Variants in MDFIC observed in about 807,000 individuals in gnomAD.
The protein encoded by MDFIC is myoD family inhibitor domain-containing protein.
MDFIC carries 17 observed loss-of-function variants against 23.2 expected under a neutral mutation model. That is an observed-to-expected ratio of 0.73 (90% confidence interval 0.50 to 1.10). The LOEUF (loss-of-function observed/expected upper bound fraction) is 1.10. MDFIC is among the 50% of genes least tolerant of loss of function. MDFIC has a pLI of 0.00. For missense variants in MDFIC, 356 were observed against 316.6 expected, an observed-to-expected ratio of 1.12 and a Z score of -0.95; for synonymous variants, 120 against 115.2, an observed-to-expected ratio of 1.04 and a Z score of -0.27.
chr7:114,963,692 C>G (rs531815865), intron 3 of MDFIC, among the ~76,000 whole-genome samples: 15 of 152,294 alleles, frequency 9.8e-5, no homozygotes, highest in African/African-American at 3.4e-4. Flanking sequence ...CTACCAGCCT[C>G]AGCTGGTACT....
chr7:114,930,879 C>T (rs143371515), intron 2 of MDFIC, among the ~76,000 whole-genome samples: 1 of 152,262 alleles, frequency 6.6e-6, no homozygotes, highest in Non-Finnish European at 1.5e-5. Flanking sequence ...CTTCTAAAAG[C>T]ATTCAGTTTT....
rs118125824 is a variant in MDFIC, at chr7:115,009,088, A to G, written c.494-6600A>G. On this transcript the variant is annotated intron_variant, in intron 4 of 4. Coordinates refer to ENST00000393486, the MANE Select transcript of MDFIC (RefSeq NM_001166345.3). ...CATGCTTTAATCCATGGTCTTTGGC[A>G]TATTATTGGCCTGTTAAATGCTAAT... Among the ~76,000 whole-genome samples, 689 of 152,338 alleles carry G rather than the reference A, an allele frequency of 4.5e-3. 1 individual carries two copies. The highest frequency in any genetic ancestry group is 7.8e-3 in the Non-Finnish European group (533 of 68,024).
At chr7:114,923,481 T>G in intron 2 of MDFIC, 1 of 1,537,906 alleles carries the variant, frequency 6.5e-7, no homozygotes, top group Non-Finnish European at 8.7e-7. Flanking sequence ...GATCCAGGAC[T>G]GCCGCAGCTC....
rs777433581 is a variant in MDFIC at position 114,923,096 on chromosome 7, G to C, written c.63G>C (p.Ala21=). The change falls in exon 2 of 5, where the codon GCG becomes GCC. Residue 21 remains alanine, a synonymous_variant. Coordinates refer to ENST00000393486, the MANE Select transcript of MDFIC (RefSeq NM_001166345.3). ...TGGGGCCGCAGCGCGTGGCCGAGGC[G>C]GGCGGCGGCCAGCTGGGCTCCACAG... ...GPVGPQRVAE[A]GGGQLGSTAQ... is the part of the protein sequence containing the mutation. 46 of 1,446,798 alleles carry C rather than the reference G, an allele frequency of 3.2e-5. 1 individual carries two copies. The highest frequency in any genetic ancestry group is 2.3e-4 in the South Asian group (18 of 76,666). The allele number at this position is 1,446,798 out of a possible 1,614,324, so 89.6% of individuals were successfully genotyped here. A position where few individuals can be genotyped will look rare whatever the true frequency, so the allele number is the denominator to read the frequency against.
intron 4 of MDFIC, among the ~76,000 whole-genome samples, chr7:114,989,581 T>C (rs376896343): frequency 1.3e-5 from 2 of 152,338 alleles, no homozygotes; most frequent in South Asian, 2.1e-4. Context: ...ATTTAGACTT[T>C]AGATCTATAG....
intron 3 of MDFIC, among the ~76,000 whole-genome samples, chr7:114,969,184 C>A (rs564191498): frequency 6.6e-6 from 1 of 152,146 alleles, no homozygotes; most frequent in Admixed American, 6.5e-5. Flanking sequence ...TTTCTTGAAT[C>A]CTTGCTACAC....
intron 4 of MDFIC, among the ~76,000 whole-genome samples, chr7:115,007,628 GTGTATATA>G (rs1208164183): frequency 9.8e-4 from 39 of 39,954 alleles, no homozygotes; most frequent in African/African-American, 2.4e-3. Flanking sequence ...GTGCGTGTGT[GTGTATATA>G]TATATATATA....
chr7:115,001,499 A>G (rs1388682843), intron 4 of MDFIC, among the ~76,000 whole-genome samples: 1 of 152,190 alleles, frequency 6.6e-6, no homozygotes. Flanking sequence ...AAGAGTAGTT[A>G]TTTTAGAAGG....
chr7:115,015,512 A>G (rs1257633407), intron 4 of MDFIC, among the ~76,000 whole-genome samples, 176 bp from the exon 5 acceptor site: 4 of 152,206 alleles, frequency 2.6e-5, no homozygotes, highest in Middle Eastern at 3.4e-3. Flanking sequence ...TCTAAAGATC[A>G]CTCATCTAGA....
intron 3 of MDFIC, among the ~76,000 whole-genome samples, chr7:114,964,544 C>G (rs1000097352): frequency 2.7e-5 from 4 of 149,692 alleles, no homozygotes; most frequent in Admixed American, 6.7e-5. Flanking sequence ...CCCTTCCCTT[C>G]CCTTCCCTTC....
At chr7:115,015,046 A>G (rs1791767108) in intron 4 of MDFIC, among the ~76,000 whole-genome samples, 1 of 152,198 alleles carries the variant, frequency 6.6e-6, no homozygotes, top group African/African-American at 2.4e-5. Context: ...TGTTAGAAGT[A>G]GGCAGAAGAA....
intron 3 of MDFIC, among the ~76,000 whole-genome samples, chr7:114,942,964 C>G (rs1792574613): frequency 6.6e-6 from 1 of 152,174 alleles, no homozygotes; most frequent in African/African-American, 2.4e-5. Flanking sequence ...GGGTTCTGCT[C>G]TCGAGCTCCT....
In MDFIC at chr7:115,019,521, CATAA is replaced by C. The variant is rs547167797; in HGVS notation, c.*3591_*3594del. 8.8e-4 allele frequency among the ~76,000 whole-genome samples: 134 copies of C among 152,148 alleles called. 3 individuals are homozygous for C. In the South Asian group the frequency reaches 0.026, roughly 30 times the overall value. On this transcript the variant is annotated 3_prime_UTR_variant, in exon 5 of 5. Coordinates refer to ENST00000393486, the MANE Select transcript of MDFIC (RefSeq NM_001166345.3). ...ATAAATAAGACTCGAGACTTATTAA[CATAA>C]ATAAGTATCTTGCCTTCTTGAATGC...
At chr7:115,008,488 GCTA>G (rs1791616660) in intron 4 of MDFIC, among the ~76,000 whole-genome samples, 1 of 152,138 alleles carries the variant, frequency 6.6e-6, no homozygotes, top group Non-Finnish European at 1.5e-5. Flanking sequence ...CTGGATTCTG[GCTA>G]AGATGTGTGG....
chr7:114,933,228 G>T (rs890304343), intron 2 of MDFIC, among the ~76,000 whole-genome samples: 1 of 151,760 alleles, frequency 6.6e-6, no homozygotes, highest in African/African-American at 2.4e-5. Context: ...CATTTAAAAA[G>T]GGGAAGATGA....
rs1005285735 is a variant in MDFIC, at chr7:115,014,366, A to G, written c.494-1322A>G. ...ATTCTGTCAATTCACATCTACTTGC[A>G]GTTATATGGCATTCTATAGAGAAGC... On this transcript the variant is annotated intron_variant, in intron 4 of 4. Transcript: ENST00000393486. The G allele has an allele frequency of 7.0e-6, 9 of 1,279,532 alleles. No individual in the cohort carries two copies. The African/African-American group carries it at 7.7e-5, about 11-fold the overall frequency. The allele number at this position is 1,279,532 out of a possible 1,614,324, so 79.3% of individuals were successfully genotyped here. A position where few individuals can be genotyped will look rare whatever the true frequency, so the allele number is the denominator to read the frequency against.
At chr7:114,993,078 G>A (rs61939594) in intron 4 of MDFIC, among the ~76,000 whole-genome samples, 2 of 152,078 alleles carry the variant, frequency 1.3e-5, no homozygotes, top group Admixed American at 6.5e-5. Flanking sequence ...GTTTAGTGTT[G>A]GGAGTGTGTA....
chr7:114,945,421 G>T (rs887133096), intron 3 of MDFIC, among the ~76,000 whole-genome samples: 4 of 152,004 alleles, frequency 2.6e-5, no homozygotes, highest in African/African-American at 9.7e-5. Context: ...CTACCTGCTT[G>T]AACTCATACT....
intron 3 of MDFIC, among the ~76,000 whole-genome samples, chr7:114,943,825 G>A (rs899571875): frequency 2.0e-5 from 3 of 151,472 alleles, no homozygotes; most frequent in African/African-American, 2.4e-5. Context: ...CTTTTTTTTC[G>A]GTGGTAACAA....
Sources: gnomAD v4.1 joint callset for allele counts (sites outside exome capture counted in the v4.1 genomes callset) on GRCh38, gnomAD v4.1.1 for gene constraint, MANE v1.5 for transcripts, NCBI Gene and HGNC (gene_info 2026-07-23, HGNC 2026-07-21) for gene names.